The following TTC28 variants were observed in gnomAD, a reference collection of about 807,000 sequenced individuals.
The protein encoded by TTC28 is tetratricopeptide repeat protein 28.
Under a neutral mutation model 198.0 loss-of-function variants are expected in TTC28, and 61 were observed. The ratio of observed to expected loss-of-function variants is 0.31; its 90% CI spans 0.25 to 0.38. TTC28 has a LOEUF of 0.38. Ranked by LOEUF, TTC28 falls within the 10% of genes least tolerant of loss-of-function variation. TTC28 has a pLI of 1.00. For synonymous variants in TTC28, 1,171 were observed against 1,297.8 expected, an observed-to-expected ratio of 0.90 and a Z score of 2.10; for missense variants, 2,678 against 3,164.0, an observed-to-expected ratio of 0.85 and a Z score of 3.69.
intron 13 of TTC28, among the ~76,000 whole-genome samples, chr22:28,025,786 C>A (rs974874132): frequency 6.6e-6 from 1 of 152,198 alleles, no homozygotes; most frequent in Non-Finnish European, 1.5e-5. Flanking sequence ...AGGAGGATCA[C>A]TTGAGCCCAG....
intron 2 of TTC28, among the ~76,000 whole-genome samples, chr22:28,457,320 C>G (rs2047877250): frequency 6.6e-6 from 1 of 152,160 alleles, no homozygotes; most frequent in South Asian, 2.1e-4. Context: ...AGTGCATAAC[C>G]CTTTTCTCAA....
chr22:28,207,240 C>CAA (rs1926497065), intron 5 of TTC28, among the ~76,000 whole-genome samples: 1 of 124,476 alleles, frequency 8.0e-6, no homozygotes, highest in Non-Finnish European at 1.8e-5. Context: ...AAAAAAAAAG[C>CAA]ACAAAAAAAA....
At chr22:28,120,466 G>C (rs1942754508) in intron 6 of TTC28, among the ~76,000 whole-genome samples, 1 of 152,102 alleles carries the variant, frequency 6.6e-6, no homozygotes, top group Non-Finnish European at 1.5e-5. Flanking sequence ...TTCAGAGCTA[G>C]GACCTGAACT....
intron 12 of TTC28, among the ~76,000 whole-genome samples, chr22:28,061,966 TTC>T (rs890416850): frequency 4.6e-5 from 7 of 152,222 alleles, no homozygotes; most frequent in African/African-American, 9.6e-5. Flanking sequence ...AGGTATTTTA[TTC>T]TCTTTGAAGC....
At chr22:28,045,180 G>T (rs1939815007) in intron 12 of TTC28, among the ~76,000 whole-genome samples, 1 of 152,176 alleles carries the variant, frequency 6.6e-6, no homozygotes, top group Non-Finnish European at 1.5e-5. Context: ...TCTAGCACAG[G>T]TTGAGTATCC....
Position 28,679,608 on chromosome 22 carries a change from C to G in TTC28, c.102+14G>C. 1 of 1,448,572 alleles carries G rather than the reference C, an allele frequency of 6.9e-7. No individual in the cohort carries two copies. Among genetic ancestry groups the G allele is most frequent in the Non-Finnish European group, 9.1e-7 (1 of 1,098,192 alleles). 89.7% of individuals were successfully genotyped at this position (1,448,572 alleles called of 1,614,324 possible). A position where few individuals can be genotyped will look rare whatever the true frequency, so the allele number is the denominator to read the frequency against. Reference sequence around the variant, plus strand: ...CAAAGAAAGTCTCCCGGCCCGAGCCCCTCACGCACTCACCGGCGCCGACGC... The same window carrying G: ...CAAAGAAAGTCTCCCGGCCCGAGCCGCTCACGCACTCACCGGCGCCGACGC... On this transcript the variant is annotated intron_variant, in intron 1 of 22. Coordinates refer to ENST00000397906, the MANE Select transcript of TTC28 (RefSeq NM_001145418.2).
At chr22:28,674,416 C>T (rs1451293431) in intron 1 of TTC28, among the ~76,000 whole-genome samples, 1 of 152,058 alleles carries the variant, frequency 6.6e-6, no homozygotes, top group African/African-American at 2.4e-5. Context: ...ATCCCTACCA[C>T]AGGCAAGGCA....
intron 5 of TTC28, among the ~76,000 whole-genome samples, chr22:28,207,553 C>G (rs985471258): frequency 9.9e-5 from 15 of 152,140 alleles, no homozygotes; most frequent in African/African-American, 3.6e-4. Flanking sequence ...CTGACTCTTA[C>G]AGTTTCTTAA....
intron 8 of TTC28, among the ~76,000 whole-genome samples, chr22:28,104,850 A>T (rs1408252704): frequency 6.6e-6 from 1 of 152,228 alleles, no homozygotes; most frequent in Non-Finnish European, 1.5e-5. Context: ...CTAGAGGGAC[A>T]ACAGAGCCTG....
chr22:28,611,385 G>C (rs1215513350), intron 2 of TTC28, among the ~76,000 whole-genome samples: 1 of 152,092 alleles, frequency 6.6e-6, no homozygotes, highest in Non-Finnish European at 1.5e-5. Context: ...AACCCTACAA[G>C]CCAGAACAGA....
chr22:28,264,651 G>T (rs913747562), intron 5 of TTC28, among the ~76,000 whole-genome samples: 2 of 152,146 alleles, frequency 1.3e-5, no homozygotes, highest in East Asian at 3.9e-4. Context: ...GTGTGGGCGC[G>T]TGTGCTTAAA....
intron 5 of TTC28, among the ~76,000 whole-genome samples, chr22:28,173,040 T>C (rs1432402046): frequency 6.6e-6 from 1 of 152,170 alleles, no homozygotes; most frequent in Non-Finnish European, 1.5e-5. Context: ...GTTTTATGAT[T>C]GCAAGACGGC....
chr22:28,367,621 G>T (rs535323383), intron 2 of TTC28, among the ~76,000 whole-genome samples: 133 of 151,842 alleles, frequency 8.8e-4, no homozygotes, highest in African/African-American at 3.0e-3. Context: ...TACAATCAAT[G>T]AAACAAAAAG....
chr22:28,168,786 C>G (rs1224956250), intron 5 of TTC28, among the ~76,000 whole-genome samples: 3 of 152,068 alleles, frequency 2.0e-5, no homozygotes, highest in Admixed American at 6.5e-5. Context: ...TCTAAAACAC[C>G]AAAAGCAATG....
At chr22:28,597,939 A>G (rs964592283) in intron 2 of TTC28, among the ~76,000 whole-genome samples, 2 of 151,808 alleles carry the variant, frequency 1.3e-5, no homozygotes, top group Middle Eastern at 3.4e-3. Context: ...CAATAGGCAC[A>G]TGCCACCACA....
At chr22:28,216,309 A>G (rs7285440) in intron 5 of TTC28, among the ~76,000 whole-genome samples, 12,770 of 152,212 alleles carry the variant, frequency 0.084, 577 homozygotes, top group African/African-American at 0.12. Flanking sequence ...GGTCAATTCA[A>G]CTTGGACTAT....
rs561230378 is a variant in TTC28, at chr22:28,567,867, G to A, written c.381+61685C>T. ...GAAAAACTGCATAAGGGGAACGAGC[G>A]CTCAATCCTAATTAAACCCAATCAG... On this transcript the variant is annotated intron_variant, in intron 2 of 22. Coordinates refer to ENST00000397906, the MANE Select transcript of TTC28 (RefSeq NM_001145418.2). Among the ~76,000 whole-genome samples the A allele has an allele frequency of 9.9e-5, 15 of 152,014 alleles. No homozygotes were observed. In the South Asian group the frequency reaches 2.3e-3, roughly 23 times the overall value.
chr22:28,174,163 A>G (rs1238552006), intron 5 of TTC28, among the ~76,000 whole-genome samples: 1 of 152,174 alleles, frequency 6.6e-6, no homozygotes, highest in Non-Finnish European at 1.5e-5. Context: ...TTCAAATAAC[A>G]CACTGTGATA....
At chr22:28,672,487 A>T (rs185163991) in intron 1 of TTC28, among the ~76,000 whole-genome samples, 1 of 151,872 alleles carries the variant, frequency 6.6e-6, no homozygotes, top group East Asian at 1.9e-4. Flanking sequence ...TTTTTATTAG[A>T]GACATGGTTT....
Sources: allele counts gnomAD v4.1 joint callset (sites outside exome capture counted in the v4.1 genomes callset), GRCh38; gene constraint gnomAD v4.1.1; transcripts MANE v1.5; gene names NCBI Gene and HGNC (gene_info 2026-07-23, HGNC 2026-07-21).